Variants in LTBP3 observed in about 807,000 individuals in gnomAD.
LTBP3 encodes latent transforming growth factor beta binding protein 3.
In LTBP3, 97 loss-of-function variants were observed where a neutral mutation model predicts 159.7. The observed-to-expected ratio is 0.61, with a 90% CI of 0.52 to 0.72. The LOEUF (loss-of-function observed/expected upper bound fraction) is 0.72. Ranked by LOEUF, LTBP3 falls within the 30% of genes least tolerant of loss-of-function variation. The pLI is 0.00. For missense variants in LTBP3, 1,584 were observed against 1,864.3 expected, an observed-to-expected ratio of 0.85 and a Z score of 2.77; for synonymous variants, 824 against 777.1, an observed-to-expected ratio of 1.06 and a Z score of -1.00.
In LTBP3 at chr11:65,543,202, AG is replaced by A. The variant is rs1409435860; in HGVS notation, c.2498del (p.Pro833LeufsTer35). 6.2e-7 allele frequency: 1 copy of A among 1,614,144 alleles called. No individual in the cohort carries two copies. The highest frequency in any genetic ancestry group is 8.5e-7 in the Non-Finnish European group (1 of 1,180,006). On this transcript the variant is annotated frameshift_variant, in exon 18 of 28. Transcript: ENST00000301873. LOFTEE classifies it high-confidence loss of function. ...HCEDIDECDF[P>X]AACIGGDCIN... is the part of the protein sequence containing the mutation. ...TGCAGTCACCCCCAATGCAGGCTGC[AG>A]GGAAGTCACACTCATCAATGTCTGT...
At position 65,540,290 on chromosome 11, in the gene LTBP3, C is replaced by T. The variant is rs1177683421; in HGVS notation, c.3199G>A (p.Glu1067Lys). 1.3e-6 allele frequency: 2 copies of T among 1,559,168 alleles called. No homozygotes were observed. The highest frequency in any genetic ancestry group is 1.2e-5 in the South Asian group (1 of 84,756). ...CACTGGCGCTGCGCGGGACTGTACT[C>T]GGCAGGGGGCGTGCAGGCACAGCGG... ...GYRCACTPPA[E>K]YSPAQRQCLS... Residue 1067 changes from glutamate (E) to lysine (K), a missense_variant, in exon 23 of 28, where the codon GAG becomes AAG. Glu to Lys is a moderately conservative substitution (Grantham distance 56). Around this residue, in one of 6 missense-constraint regions of LTBP3, gnomAD observed 514 missense variants for 530.3 expected, o/e 0.97. Coordinates refer to ENST00000301873, the MANE Select transcript of LTBP3 (RefSeq NM_001130144.3).
chr11:65,551,201 G>T lies in LTBP3; in HGVS notation c.1645C>A (p.Pro549Thr). The change falls in exon 11 of 28, where the codon CCG becomes ACG. Residue 549 changes from proline (P) to threonine (T), a missense_variant. By Grantham distance (38) the Pro-to-Thr change is conservative. Coordinates refer to ENST00000301873, the MANE Select transcript of LTBP3 (RefSeq NM_001130144.3). ...YPELISRPSP[P>T]TMRWFLPDLP... ...TCCGGCAGGAACCAGCGCATGGTCGGGGGCGAGGGACGGGAGATCAGCTCT... is the reference window on the plus strand; with the variant it reads ...TCCGGCAGGAACCAGCGCATGGTCGTGGGCGAGGGACGGGAGATCAGCTCT... The T allele has an allele frequency of 6.5e-7, 1 of 1,549,686 alleles. No homozygotes were observed. Among genetic ancestry groups the T allele is most frequent in the Non-Finnish European group, 8.7e-7 (1 of 1,147,758 alleles).
Position 65,539,600 on chromosome 11 carries a change from C to T in LTBP3, c.3576G>A (p.Glu1192=), listed in dbSNP as rs750639649. The change falls in exon 26 of 28, where the codon GAG becomes GAA. Residue 1192 remains glutamate, a synonymous_variant. Transcript: ENST00000301873. ...AGSHCPTSQS[E]SNSFWDTSPL... is the part of the protein sequence containing the mutation. ...GGCTTGTGTCCCAGAAGGAATTGCT[C>T]TCGCTCTGCGATGTCGGGCAATGGG... 1.9e-6 allele frequency: 3 copies of T among 1,612,558 alleles called. No homozygotes were observed. The East Asian group carries it at 6.7e-5, about 36-fold the overall frequency.
chr11:65,539,299 C>G, intron 27 of LTBP3, 29 bp downstream of exon 27: 1 of 1,510,586 alleles, frequency 6.6e-7, no homozygotes, highest in Non-Finnish European at 8.9e-7. Context: ...CGGCCCCGCC[C>G]CTGCCCCCAC....
intron 21 of LTBP3, 28 bp downstream of exon 21, chr11:65,540,843 G>GGGGC: frequency 6.3e-7 from 1 of 1,595,550 alleles, no homozygotes; most frequent in South Asian, 1.1e-5. Context: ...GAGAGGGCGC[G>GGGGC]GGGCGGGCGG....
chr11:65,553,541 G>A lies in LTBP3; in HGVS notation c.865-11C>T. On this transcript the variant is annotated splice_polypyrimidine_tract_variant and intron_variant, in intron 3 of 27. Transcript: ENST00000301873. The surrounding 1 kb of genome is among the most constrained non-coding windows in gnomAD (Gnocchi z 6.5). Reference sequence around the variant, plus strand: ...GGGGTTGCTGCCACACTAGGGGAAGGAGGGGGAGGTGGGGTCACAGAGCAC... The same window carrying A: ...GGGGTTGCTGCCACACTAGGGGAAGAAGGGGGAGGTGGGGTCACAGAGCAC... The A allele has an allele frequency of 1.4e-5, 22 of 1,561,982 alleles. No individual in the cohort carries two copies. The highest frequency in any genetic ancestry group is 1.9e-5 in the Non-Finnish European group (22 of 1,135,118).
chr11:65,542,017 T>A (rs1856156514), intron 18 of LTBP3: 1 of 403,726 alleles, frequency 2.5e-6, no homozygotes, highest in Non-Finnish European at 4.7e-6. Flanking sequence ...TTAGGTCTCA[T>A]CACGCCTTAC....
chr11:65,542,369 G>C (rs1157545220), intron 18 of LTBP3: 1 of 151,984 alleles, frequency 6.6e-6, no homozygotes, highest in East Asian at 1.9e-4. Context: ...AAAATAGTAG[G>C]TGCTCAATAA....
chr11:65,553,650 A>C lies in LTBP3; in HGVS notation c.864+51T>G. Reference sequence around the variant, plus strand: ...TTCTGCTATCCGAGTGAGTTGGGGCAGAGCAACCCTGAGAGAAGGAAAGGC... The same window carrying C: ...TTCTGCTATCCGAGTGAGTTGGGGCCGAGCAACCCTGAGAGAAGGAAAGGC... On this transcript the variant is annotated intron_variant, in intron 3 of 27. Transcript: ENST00000301873. This position sits in a 1 kb window ranked among gnomAD's most constrained non-coding sequence, Gnocchi z 6.5. 1 of 1,540,350 alleles carries C rather than the reference A, an allele frequency of 6.5e-7. No homozygotes were observed. The highest frequency in any genetic ancestry group is 8.7e-7 in the Non-Finnish European group (1 of 1,143,320).
In LTBP3 at chr11:65,539,847, G is replaced by C; in HGVS notation, c.3420C>G (p.Ser1140Arg). The C allele has an allele frequency of 6.6e-7, 1 of 1,521,364 alleles. No homozygotes were observed. Among genetic ancestry groups the C allele is most frequent in the Non-Finnish European group, 8.8e-7 (1 of 1,141,508 alleles). 94.2% of individuals were successfully genotyped at this position (1,521,364 alleles called of 1,614,324 possible). The change falls in exon 25 of 28, where the codon AGC becomes AGG. Residue 1140 changes from serine to arginine, a missense_variant. By Grantham distance (110) the Ser-to-Arg change is moderately radical (BLOSUM62 -1). Coordinates refer to ENST00000301873, the MANE Select transcript of LTBP3 (RefSeq NM_001130144.3). ...RAPERRDVCW[S>R]QRGEDGMCAG... ...CGCACATGCCGTCCTCTCCGCGCTG[G>C]CTCCAGCACACGTCGCGCCGCTCCG...
chr11:65,539,409 G>T lies in LTBP3; in HGVS notation c.3679C>A (p.Arg1227Ser). 6.5e-7 allele frequency: 1 copy of T among 1,550,020 alleles called. No homozygotes were observed. The highest frequency in any genetic ancestry group is 2.5e-5 in the East Asian group (1 of 40,786). ...DSDECRCVSGRCVPRPGGAVC... is the reference protein window; with the variant it reads ...DSDECRCVSGSCVPRPGGAVC... ...GCGCCGCCCGGCCGCGGCACGCAGC[G>T]GCCACTCACGCAGCGACACTCGTCT... The change falls in exon 27 of 28, where the codon CGC becomes AGC. Residue 1227 changes from arginine to serine, a missense_variant. Physicochemically the swap from Arg to Ser is moderately radical, Grantham distance 110. Around this residue, in one of 6 missense-constraint regions of LTBP3, gnomAD observed 514 missense variants for 530.3 expected, o/e 0.97. Coordinates refer to ENST00000301873, the MANE Select transcript of LTBP3 (RefSeq NM_001130144.3).
chr11:65,548,475 C>T, intron 11 of LTBP3: 1 of 293,890 alleles, frequency 3.4e-6, no homozygotes, highest in South Asian at 4.7e-5. Flanking sequence ...ACTCCATAAG[C>T]CCTTGCCCCA....
At position 65,539,670 on chromosome 11, in the gene LTBP3, G is replaced by C. The variant is rs781038627; in HGVS notation, c.3548-42C>G. On this transcript the variant is annotated intron_variant, in intron 25 of 27. Transcript: ENST00000301873. Reference sequence around the variant, plus strand: ...TGGTCAGCGACGTCCGGGTCCCCGGGCCCTGGCCCCCATCCTCGCTCCCGG... The same window carrying C: ...TGGTCAGCGACGTCCGGGTCCCCGGCCCCTGGCCCCCATCCTCGCTCCCGG... 1,320 of 1,585,712 alleles carry C rather than the reference G, an allele frequency of 8.3e-4. 1 individual carries two copies. The highest frequency in any genetic ancestry group is 8.5e-4 in the Non-Finnish European group (991 of 1,170,776).
chr11:65,547,516 AT>A lies in LTBP3; in HGVS notation c.2029del (p.Ile677SerfsTer69). ...GCACTTGTAGTGACCGGGAAAGTTGATGCAGAAGCCGCCGTCGCCGCACAGG... is the reference window on the plus strand; with the variant it reads ...GCACTTGTAGTGACCGGGAAAGTTGAGCAGAAGCCGCCGTCGCCGCACAGG... ...PHLCGDGGFC[I>X]NFPGHYKCNC... On this transcript the variant is annotated frameshift_variant, in exon 14 of 28. Coordinates refer to ENST00000301873, the MANE Select transcript of LTBP3 (RefSeq NM_001130144.3). LOFTEE classifies it high-confidence loss of function. This position sits in a 1 kb window ranked among gnomAD's most constrained non-coding sequence, Gnocchi z 4.6. The A allele has an allele frequency of 6.2e-7, 1 of 1,614,066 alleles. No individual in the cohort carries two copies. Among genetic ancestry groups the A allele is most frequent in the East Asian group, 2.2e-5 (1 of 44,874 alleles).
intron 11 of LTBP3, chr11:65,549,013 T>C (rs983436238): frequency 2.0e-5 from 3 of 152,232 alleles, no homozygotes; most frequent in Non-Finnish European, 4.4e-5. Flanking sequence ...CTGTGTGACC[T>C]GGGGCAGGTT....
rs750311222 is a variant in LTBP3 at position 65,547,763 on chromosome 11, G to A, written c.1905C>T (p.Thr635=). ...TGCAGTGGCAATTGTAGGAGCCGCC[G>A]GTGTTCATGCAGATGCCCCTCCCCG... ...CGPGRGICMN[T]GGSYNCHCNR... The change falls in exon 13 of 28, where the codon ACC becomes ACT. Residue 635 remains threonine (T), a synonymous_variant. Transcript: ENST00000301873. This position sits in a 1 kb window ranked among gnomAD's most constrained non-coding sequence, Gnocchi z 4.6. 24 of 1,611,330 alleles carry A rather than the reference G, an allele frequency of 1.5e-5. No homozygotes were observed. The Admixed American group carries it at 3.7e-4, about 25-fold the overall frequency.
Position 65,540,560 on chromosome 11 carries a change from A to T in LTBP3, c.3032T>A (p.Val1011Glu). The T allele has an allele frequency of 6.2e-7, 1 of 1,613,874 alleles. No homozygotes were observed. The highest frequency in any genetic ancestry group is 8.5e-7 in the Non-Finnish European group (1 of 1,179,902). Reference sequence around the variant, plus strand: ...GCACTCGTAGCCAGGCTGCGTGTTCACGCACTTGCCCTCCTTGCAAATCTC... The same window carrying T: ...GCACTCGTAGCCAGGCTGCGTGTTCTCGCACTTGCCCTCCTTGCAAATCTC... Reference protein sequence around the residue: ...GSEICKEGKCVNTQPGYECYC... With the variant: ...GSEICKEGKCENTQPGYECYC... The change falls in exon 22 of 28, where the codon GTG becomes GAG. Residue 1011 changes from valine to glutamate, a missense_variant. Physicochemically the swap from Val to Glu is moderately radical, Grantham distance 121 (BLOSUM62 -2). Transcript: ENST00000301873.
rs893121770 is a variant in LTBP3 at position 65,539,383 on chromosome 11, G to A, written c.3705C>T (p.Ala1235=). The A allele has an allele frequency of 1.5e-5, 23 of 1,526,116 alleles. No homozygotes were observed. The African/African-American group carries it at 2.9e-4, about 19-fold the overall frequency. 94.5% of individuals were successfully genotyped at this position (1,526,116 alleles called of 1,614,324 possible). A position where few individuals can be genotyped will look rare whatever the true frequency, so the allele number is the denominator to read the frequency against. The change falls in exon 27 of 28, where the codon GCC becomes GCT. Residue 1235 remains alanine (A), a synonymous_variant. Coordinates refer to ENST00000301873, the MANE Select transcript of LTBP3 (RefSeq NM_001130144.3). Reference sequence around the variant, plus strand: ...GGAAGCCGCCGGGACACTCGCACACGGCGCCGCCCGGCCGCGGCACGCAGC... The same window carrying A: ...GGAAGCCGCCGGGACACTCGCACACAGCGCCGCCCGGCCGCGGCACGCAGC... ...SGRCVPRPGG[A]VCECPGGFQL... is the part of the protein sequence containing the mutation.
In LTBP3 at chr11:65,554,600, C is replaced by T. The variant is rs1856740057; in HGVS notation, c.332-220G>A. 6.6e-6 allele frequency among the ~76,000 whole-genome samples: 1 copy of T among 152,010 alleles called. No individual in the cohort carries two copies. ...TTTAAATCCTCGCTAAGCCATGTGCCAGCTGTGCGACCCTGAGCAACTCAC... is the reference window on the plus strand; with the variant it reads ...TTTAAATCCTCGCTAAGCCATGTGCTAGCTGTGCGACCCTGAGCAACTCAC... On this transcript the variant is annotated intron_variant, in intron 1 of 27. Coordinates refer to ENST00000301873, the MANE Select transcript of LTBP3 (RefSeq NM_001130144.3). The surrounding 1 kb of genome is among the most constrained non-coding windows in gnomAD (Gnocchi z 5.3).
Sources: gnomAD v4.1 joint callset for allele counts (sites outside exome capture counted in the v4.1 genomes callset) on GRCh38, gnomAD v4.1.1 for gene constraint, gnomAD v4.1.1 regional missense constraint, Gnocchi (gnomAD v3.1) non-coding constraint, MANE v1.5 for transcripts, NCBI Gene and HGNC (gene_info 2026-07-23, HGNC 2026-07-21) for gene names.